ARSB: variants seen among roughly 807,000 people sequenced by gnomAD.
ARSB encodes N-acetylgalactosamine-4-sulfatase.
Under a neutral mutation model 50.9 loss-of-function variants are expected in ARSB, and 41 were observed. The ratio of observed to expected loss-of-function variants is 0.81; its 90% confidence interval spans 0.63 to 1.04. The LOEUF (loss-of-function observed/expected upper bound fraction) is 1.04. ARSB is among the 50% of genes least tolerant of loss of function. The probability of loss-of-function intolerance (pLI) is 0.00; values close to 1 mark genes in which losing one functional copy is unlikely to be tolerated. For synonymous variants in ARSB, 269 were observed against 284.8 expected (o/e 0.94, Z 0.56); for missense variants, 672 against 693.3 (o/e 0.97, Z 0.35).
chr5:78,821,168 T>C (rs1217413334), intron 6 of ARSB, among the ~76,000 whole-genome samples: 1 of 152,172 alleles, frequency 6.6e-6, no homozygotes, highest in Non-Finnish European at 1.5e-5. Context: ...GGAGTTTTGC[T>C]CTTGTCACCC....
chr5:78,901,557 C>CA (rs574168710), intron 4 of ARSB, among the ~76,000 whole-genome samples: 9 of 148,540 alleles, frequency 6.1e-5, no homozygotes, highest in South Asian at 2.1e-4. Flanking sequence ...ATAGTTTTTT[C>CA]AAAAAAAAAT....
chr5:78,826,808 G>A (rs1415953195), intron 6 of ARSB, among the ~76,000 whole-genome samples: 1 of 152,168 alleles, frequency 6.6e-6, no homozygotes, highest in East Asian at 1.9e-4. Context: ...CAAAATAAGT[G>A]AGAGAGATAC....
chr5:78,972,777 G>C (rs1189996082), intron 1 of ARSB, among the ~76,000 whole-genome samples: 1 of 152,194 alleles, frequency 6.6e-6, no homozygotes, highest in African/African-American at 2.4e-5. Context: ...CTGATTGCTA[G>C]AAAGCACTGC....
At chr5:78,836,948 G>T (rs2112712012) in intron 6 of ARSB, among the ~76,000 whole-genome samples, 1 of 152,192 alleles carries the variant, frequency 6.6e-6, no homozygotes, top group Middle Eastern at 3.4e-3. Flanking sequence ...AGGGGGAGGT[G>T]CCACACACTT....
rs144344644 is a variant in ARSB at position 78,920,317 on chromosome 5, G to A, written c.899-34490C>T. On this transcript the variant is annotated intron_variant, in intron 4 of 7. Coordinates refer to ENST00000264914, the MANE Select transcript of ARSB (RefSeq NM_000046.5). ...CCAGCACTTTGGGAGGCCAAGGTGG[G>A]AGGATCGCTTGAACCCAGGAGTTTG... is the stretch of plus-strand genomic sequence containing the variant. 7.8e-4 allele frequency among the ~76,000 whole-genome samples: 119 copies of A among 152,330 alleles called. 1 individual carries two copies. Among genetic ancestry groups the A allele is most frequent in the Non-Finnish European group, 1.5e-4 (10 of 68,036 alleles).
At chr5:78,910,636 C>T (rs1749268554) in intron 4 of ARSB, among the ~76,000 whole-genome samples, 2 of 151,858 alleles carry the variant, frequency 1.3e-5, no homozygotes, top group African/African-American at 4.8e-5. Flanking sequence ...GGGAAATATC[C>T]CCTTTAGAAA....
chr5:78,982,609 C>G (rs1207134040), intron 1 of ARSB, among the ~76,000 whole-genome samples: 1 of 152,222 alleles, frequency 6.6e-6, no homozygotes, highest in African/African-American at 2.4e-5. Flanking sequence ...TTCTTAACCT[C>G]TTCCAGCATC....
intron 5 of ARSB, among the ~76,000 whole-genome samples, chr5:78,859,254 T>C: frequency 6.6e-6 from 1 of 152,180 alleles, no homozygotes; most frequent in East Asian, 1.9e-4. Context: ...GTAAGTTGAA[T>C]TCACTGGGTC....
chr5:78,972,285 T>C (rs1561535112), intron 1 of ARSB, among the ~76,000 whole-genome samples: 1 of 152,156 alleles, frequency 6.6e-6, no homozygotes, highest in Non-Finnish European at 1.5e-5. Context: ...TAATTGGCCC[T>C]TCCTTTCTTC....
At chr5:78,872,334 A>G (rs1044164578) in intron 5 of ARSB, among the ~76,000 whole-genome samples, 3 of 150,784 alleles carry the variant, frequency 2.0e-5, no homozygotes, top group Non-Finnish European at 4.4e-5. Flanking sequence ...CCAAATGACT[A>G]TAAATCATGC....
intron 6 of ARSB, among the ~76,000 whole-genome samples, chr5:78,816,296 T>C (rs1743990017): frequency 6.6e-6 from 1 of 152,208 alleles, no homozygotes; most frequent in Admixed American, 6.5e-5. Context: ...AAGAAGGTGC[T>C]CAACAAAGAC....
chr5:78,850,788 G>C lies in ARSB; in HGVS notation c.1143-11362C>G, dbSNP rs145696391. ...CAACTTCTTCCTGGTTTAGTCTTGG[G>C]AGGGTGTACGTATCCAGTAATTTAT... On this transcript the variant is annotated intron_variant, in intron 5 of 7. Transcript: ENST00000264914. 2.6e-3 allele frequency among the ~76,000 whole-genome samples: 390 copies of C among 152,302 alleles called. 1 individual carries two copies. Among genetic ancestry groups the C allele is most frequent in the African/African-American group, 8.8e-3 (365 of 41,542 alleles).
chr5:78,817,048 G>A lies in ARSB; in HGVS notation c.1213+22308C>T, dbSNP rs559952425. On this transcript the variant is annotated intron_variant, in intron 6 of 7. Transcript: ENST00000264914. Reference sequence around the variant, plus strand: ...AATTTGTGGTAATTTGCTATACAGCGATAGGAAATAAATGCAGCAGCCCTC... The same window carrying A: ...AATTTGTGGTAATTTGCTATACAGCAATAGGAAATAAATGCAGCAGCCCTC... 33 of 979,822 alleles carry A rather than the reference G, an allele frequency of 3.4e-5. 1 individual carries two copies. In the East Asian group the frequency reaches 8.0e-4, roughly 24 times the overall value. 60.7% of individuals were successfully genotyped at this position (979,822 alleles called of 1,614,324 possible). A position where few individuals can be genotyped will look rare whatever the true frequency, so the allele number is the denominator to read the frequency against.
chr5:78,856,240 C>T (rs912100840), intron 5 of ARSB, among the ~76,000 whole-genome samples: 7 of 152,198 alleles, frequency 4.6e-5, no homozygotes, highest in African/African-American at 1.7e-4. Context: ...AATCACTGCT[C>T]TCTGGCCTTG....
intron 5 of ARSB, among the ~76,000 whole-genome samples, chr5:78,847,926 G>C (rs1443519507): frequency 6.6e-6 from 1 of 151,824 alleles, no homozygotes; most frequent in African/African-American, 2.4e-5. Context: ...TTTTGTTGGT[G>C]ATTTTATTTG....
chr5:78,780,384 C>A lies in ARSB; in HGVS notation c.*13G>T, dbSNP rs1748888775. 1.2e-6 allele frequency: 2 copies of A among 1,613,726 alleles called. No homozygotes were observed. The highest frequency in any genetic ancestry group is 2.2e-5 in the South Asian group (2 of 91,082). ...AACTTCCAATTGAAAGGTTTTCTAG[C>A]CTCCCTGAAATCCTACATCCAAGGG... On this transcript the variant is annotated 3_prime_UTR_variant, in exon 8 of 8. Transcript: ENST00000264914.
At chr5:78,920,646 G>T (rs1749765723) in intron 4 of ARSB, among the ~76,000 whole-genome samples, 1 of 148,844 alleles carries the variant, frequency 6.7e-6, no homozygotes, top group African/African-American at 2.5e-5. Context: ...AGGGGATGGG[G>T]TGAGCATCCC....
intron 6 of ARSB, among the ~76,000 whole-genome samples, chr5:78,825,021 C>G (rs181493459): frequency 6.6e-6 from 1 of 152,208 alleles, no homozygotes; most frequent in African/African-American, 2.4e-5. Flanking sequence ...CAGAAGTATT[C>G]AAAAGTAGGC....
At chr5:78,960,175 G>A (rs1235931764) in intron 3 of ARSB, among the ~76,000 whole-genome samples, 1 of 152,158 alleles carries the variant, frequency 6.6e-6, no homozygotes, top group Non-Finnish European at 1.5e-5. Context: ...TTACATAAAA[G>A]CAAGACATTA....
Sources: allele counts gnomAD v4.1 joint callset (sites outside exome capture counted in the v4.1 genomes callset), GRCh38; gene constraint gnomAD v4.1.1; transcripts MANE v1.5; gene names NCBI Gene and HGNC (gene_info 2026-07-23, HGNC 2026-07-21).